Variants in KIAA0232 observed in about 807,000 individuals in gnomAD.
KIAA0232 encodes uncharacterized protein KIAA0232.
A neutral mutation model predicts 122.0 loss-of-function variants in KIAA0232; 27 were observed. That is an observed-to-expected ratio of 0.22 (90% CI 0.16 to 0.31). The LOEUF (loss-of-function observed/expected upper bound fraction) is 0.31, where lower values mean the gene tolerates loss of function less well. Among genes scored for constraint, KIAA0232 ranks in the 10% least tolerant of loss-of-function variants. The pLI is 1.00. For missense variants in KIAA0232, 1,551 were observed against 1,634.2 expected, an observed-to-expected ratio of 0.95 and a Z score of 0.88; for synonymous variants, 613 against 587.6, an observed-to-expected ratio of 1.04 and a Z score of -0.63.
Position 6,863,383 on chromosome 4 carries a change from C to G in KIAA0232, c.3001C>G (p.Gln1001Glu), listed in dbSNP as rs1720990669. 7 of 1,613,992 alleles carry G rather than the reference C, an allele frequency of 4.3e-6. No individual in the cohort carries two copies. The highest frequency in any genetic ancestry group is 5.9e-6 in the Non-Finnish European group (7 of 1,180,024). ...KPFVSFEQND[Q>E]PKSGENGLNK... ...CTTCGTGTCATTTGAACAGAATGAT[C>G]AGCCGAAGAGTGGGGAAAATGGGTT... Residue 1001 changes from glutamine (Q) to glutamate (E), a missense_variant, in exon 7 of 10, where the codon CAG becomes GAG. Physicochemically the swap from Gln to Glu is conservative, Grantham distance 29 (BLOSUM62 2). Around this residue, in one of 5 missense-constraint regions of KIAA0232, gnomAD observed 1,108 missense variants for 1,154.8 expected, o/e 0.96. Coordinates refer to ENST00000307659, the MANE Select transcript of KIAA0232 (RefSeq NM_014743.3).
intron 3 of KIAA0232, among the ~76,000 whole-genome samples, chr4:6,825,933 T>C (rs1030340196): frequency 1.3e-5 from 2 of 152,132 alleles, no homozygotes; most frequent in South Asian, 2.1e-4. Flanking sequence ...AAATAACACA[T>C]ACAGAGGATT....
intron 6 of KIAA0232, among the ~76,000 whole-genome samples, chr4:6,859,023 G>A (rs1034104677): frequency 3.3e-5 from 5 of 150,710 alleles, no homozygotes; most frequent in African/African-American, 1.2e-4. Context: ...TCTGGAACCC[G>A]GGAGGCAGAG....
At chr4:6,783,647 A>C (rs1243891079) in intron 1 of KIAA0232, among the ~76,000 whole-genome samples, 1 of 147,588 alleles carries the variant, frequency 6.8e-6, no homozygotes, top group Admixed American at 6.7e-5. Flanking sequence ...CGGGGCCGGG[A>C]GGCCGGCTGA....
chr4:6,849,357 C>A (rs1374689708), intron 4 of KIAA0232, among the ~76,000 whole-genome samples: 2 of 152,226 alleles, frequency 1.3e-5, no homozygotes, highest in Admixed American at 6.5e-5. Context: ...CACAGTGGCT[C>A]ATGCCTGTAA....
At chr4:6,871,805 A>T (rs1412769502) in intron 8 of KIAA0232, 123 bp downstream of exon 8, 8 of 652,156 alleles carry the variant, frequency 1.2e-5, no homozygotes, top group Non-Finnish European at 1.9e-5. Context: ...TGTGGGTAGC[A>T]CTTTGTCATG....
chr4:6,856,057 T>G (rs1720550682), intron 4 of KIAA0232, among the ~76,000 whole-genome samples: 1 of 152,252 alleles, frequency 6.6e-6, no homozygotes, highest in Non-Finnish European at 1.5e-5. Flanking sequence ...GTGGACAGAA[T>G]GTAACTCTAG....
intron 2 of KIAA0232, among the ~76,000 whole-genome samples, chr4:6,816,813 T>C (rs955553865): frequency 2.0e-5 from 3 of 152,204 alleles, no homozygotes; most frequent in African/African-American, 7.2e-5. Context: ...TCTTCTTGAG[T>C]AGGCTTTGGT....
rs4993004 is a variant in KIAA0232 at position 6,880,000 on chromosome 4, G to A, written c.4009-787G>A. On this transcript the variant is annotated intron_variant, in intron 9 of 9. Transcript: ENST00000307659. Reference sequence around the variant, plus strand: ...TGCAAACTCCCTTCCCAACACACAGGTCTGTAGTGTCGCCTCACCATCTGT... The same window carrying A: ...TGCAAACTCCCTTCCCAACACACAGATCTGTAGTGTCGCCTCACCATCTGT... 1.2e-3 allele frequency among the ~76,000 whole-genome samples: 51 copies of A among 41,034 alleles called. 4 individuals carry two copies. The highest frequency in any genetic ancestry group is 1.9e-3 in the Non-Finnish European group (36 of 18,972). The allele number at this position is 41,034 out of a possible 152,430, so 26.9% of individuals were successfully genotyped here.
chr4:6,862,045 T>A lies in KIAA0232; in HGVS notation c.1663T>A (p.Leu555Ile). Reference sequence around the variant, plus strand: ...TTTTGAGGCAGAATGTTGCATAGTGTTAGATGGTATGGAGTTGCAAGGGGA... The same window carrying A: ...TTTTGAGGCAGAATGTTGCATAGTGATAGATGGTATGGAGTTGCAAGGGGA... The part of the protein sequence containing the change: ...TDFEAECCIV[L>I]DGMELQGERA... The change falls in exon 7 of 10, where the codon TTA becomes ATA. Residue 555 changes from leucine to isoleucine, a missense_variant. Leu to Ile is a conservative substitution (Grantham distance 5, BLOSUM62 2). Around this residue, in one of 5 missense-constraint regions of KIAA0232, gnomAD observed 1,108 missense variants for 1,154.8 expected, o/e 0.96. Transcript: ENST00000307659. 6.2e-7 allele frequency: 1 copy of A among 1,614,124 alleles called. No homozygotes were observed. The highest frequency in any genetic ancestry group is 1.1e-5 in the South Asian group (1 of 91,080).
chr4:6,790,673 C>G (rs1716853574), intron 1 of KIAA0232, among the ~76,000 whole-genome samples: 1 of 151,998 alleles, frequency 6.6e-6, no homozygotes, highest in African/African-American at 2.4e-5. Context: ...GTATGAGCCA[C>G]CATGCCAGGC....
At chr4:6,810,986 T>TAAA (rs549844489) in intron 2 of KIAA0232, among the ~76,000 whole-genome samples, 164 of 152,288 alleles carry the variant, frequency 1.1e-3, no homozygotes, top group African/African-American at 3.6e-3. Context: ...AGGAAACTCT[T>TAAA]AAAGATTTTT....
chr4:6,864,572 C>T (rs1721067331), intron 7 of KIAA0232, among the ~76,000 whole-genome samples: 1 of 151,714 alleles, frequency 6.6e-6, no homozygotes. Context: ...GACCCCGTCT[C>T]TACTAAAAAT....
At chr4:6,871,436 A>G in intron 7 of KIAA0232, 138 bp from the exon 8 acceptor site, 1 of 574,024 alleles carries the variant, frequency 1.7e-6, no homozygotes, top group South Asian at 2.3e-5. Context: ...CCTATCTCAA[A>G]AAGAAAGAAA....
At chr4:6,815,546 A>G (rs985751602) in intron 2 of KIAA0232, among the ~76,000 whole-genome samples, 9 of 152,168 alleles carry the variant, frequency 5.9e-5, no homozygotes. Flanking sequence ...GAACATTTAG[A>G]TCTGTCATTA....
At position 6,861,390 on chromosome 4, in the gene KIAA0232, G is replaced by A. The variant is rs1720852459; in HGVS notation, c.1008G>A (p.Leu336=). The change falls in exon 7 of 10, where the codon TTG becomes TTA. Residue 336 remains leucine, a synonymous_variant. Coordinates refer to ENST00000307659, the MANE Select transcript of KIAA0232 (RefSeq NM_014743.3). The part of the protein sequence containing the change: ...KGRNGQSRLS[L]KHGEKAERNI... ...GGAATGGGCAAAGCAGGCTTTCTTT[G>A]AAGCACGGTGAAAAGGCTGAAAGGA... is the stretch of plus-strand genomic sequence containing the variant. 3.7e-6 allele frequency: 6 copies of A among 1,614,052 alleles called. No individual in the cohort carries two copies. The highest frequency in any genetic ancestry group is 3.3e-4 in the Middle Eastern group (2 of 6,084).
Position 6,863,117 on chromosome 4 carries a change from C to G in KIAA0232, c.2735C>G (p.Thr912Arg). Residue 912 changes from threonine (T) to arginine (R), a missense_variant, in exon 7 of 10, where the codon ACA becomes AGA. Transcript: ENST00000307659. ...ELSNVDGGDY[T>R]TPSKPWDVAQ... The stretch of plus-strand genomic sequence containing the variant: ...TCAAACGTGGATGGTGGTGATTATA[C>G]AACACCCTCTAAACCCTGGGATGTA... 1 of 1,614,184 alleles carries G rather than the reference C, an allele frequency of 6.2e-7. No individual in the cohort carries two copies. The highest frequency in any genetic ancestry group is 1.1e-5 in the South Asian group (1 of 91,084).
chr4:6,851,203 C>A (rs1720265106), intron 4 of KIAA0232, among the ~76,000 whole-genome samples: 2 of 152,124 alleles, frequency 1.3e-5, no homozygotes, highest in Admixed American at 1.3e-4. Context: ...GTTCATCCTT[C>A]CTAGATTAAA....
chr4:6,814,112 C>G (rs1033512538), intron 2 of KIAA0232, among the ~76,000 whole-genome samples: 15 of 152,168 alleles, frequency 9.9e-5, no homozygotes, highest in Non-Finnish European at 1.5e-4. Context: ...TGAGCTCTCT[C>G]TCTGGACTGC....
At chr4:6,873,657 G>T (rs1721611265) in intron 8 of KIAA0232, among the ~76,000 whole-genome samples, 2 of 152,198 alleles carry the variant, frequency 1.3e-5, no homozygotes, top group Admixed American at 1.3e-4. Flanking sequence ...TTAGCTCTAG[G>T]TTCCTGGTTA....
Sources: allele counts gnomAD v4.1 joint callset (sites outside exome capture counted in the v4.1 genomes callset), GRCh38; gene constraint gnomAD v4.1.1; regional missense constraint gnomAD v4.1.1; transcripts MANE v1.5; gene names NCBI Gene and HGNC (gene_info 2026-07-23, HGNC 2026-07-21).